Variants in RBFOX3 observed in about 807,000 individuals in gnomAD.
The protein encoded by RBFOX3 is RNA binding fox-1 homolog 3.
RBFOX3 carries 17 observed loss-of-function variants against 48.7 expected under a neutral mutation model. That is an observed-to-expected ratio of 0.35 (90% CI 0.24 to 0.52). The LOEUF (loss-of-function observed/expected upper bound fraction) is 0.52. Ranked by LOEUF, RBFOX3 falls within the 20% of genes least tolerant of loss-of-function variation. The probability of loss-of-function intolerance (pLI) is 0.94; values close to 1 mark genes in which losing one functional copy is unlikely to be tolerated. For synonymous variants in RBFOX3, 212 were observed against 209.5 expected (o/e 1.01, Z -0.10); for missense variants, 382 against 497.5 (o/e 0.77, Z 2.21).
At chr17:79,273,250 C>T (rs894605243) in intron 3 of RBFOX3, among the ~76,000 whole-genome samples, 3 of 152,182 alleles carry the variant, frequency 2.0e-5, no homozygotes, top group East Asian at 1.9e-4. Flanking sequence ...CCAGGAGTGA[C>T]GTCCACCACC....
intron 2 of RBFOX3, among the ~76,000 whole-genome samples, chr17:79,369,337 G>A (rs2377408): frequency 0.68 from 103,148 of 151,734 alleles, 36,019 homozygotes; most frequent in Admixed American, 0.78. Context: ...CCCCGGGGAG[G>A]GGCTGATGGG....
At chr17:79,322,910 A>G (rs8065431) in intron 2 of RBFOX3, among the ~76,000 whole-genome samples, 78,574 of 152,074 alleles carry the variant, frequency 0.52, 20,486 homozygotes, top group Non-Finnish European at 0.55. Flanking sequence ...ATTGCAAAGC[A>G]CCCAGACAAG....
rs61045177 is a variant in RBFOX3, at chr17:79,106,567, C to T, written c.360+84G>A. On this transcript the variant is annotated intron_variant, in intron 6 of 14. Coordinates refer to ENST00000693108, the MANE Select transcript of RBFOX3 (RefSeq NM_001350451.2). ...GCAGGAAACCCGGGGGAACAGGTGT[C>T]GGCAGGAAGGCAGGGCCTGTGGGCG... 9.0e-5 allele frequency: 124 copies of T among 1,378,200 alleles called. 1 individual carries two copies. The South Asian group carries it at 1.2e-3, about 13-fold the overall frequency. 85.4% of individuals were successfully genotyped at this position (1,378,200 alleles called of 1,614,324 possible). A position where few individuals can be genotyped will look rare whatever the true frequency, so the allele number is the denominator to read the frequency against.
At chr17:79,484,336 T>C (rs1598892976) in intron 1 of RBFOX3, among the ~76,000 whole-genome samples, 1 of 152,204 alleles carries the variant, frequency 6.6e-6, no homozygotes. Context: ...ACATCTGCCC[T>C]TTCAGGGACC....
intron 1 of RBFOX3, chr17:79,515,838 A>G (rs1190313654): frequency 6.6e-6 from 1 of 152,352 alleles, no homozygotes; most frequent in African/African-American, 2.4e-5. Context: ...CCCACACGCT[A>G]CTAGCACATC....
chr17:79,463,420 TGCCACTGCCACCGCCATC>T (rs1425747733), intron 2 of RBFOX3, among the ~76,000 whole-genome samples: 1 of 96,736 alleles, frequency 1.0e-5, no homozygotes, highest in Non-Finnish European at 2.1e-5. Context: ...CCACTGCCAT[TGCCACTGCCACCGCCATC>T]GCCACTGCCA....
At chr17:79,182,528 C>A (rs534190212) in intron 4 of RBFOX3, among the ~76,000 whole-genome samples, 146 of 152,176 alleles carry the variant, frequency 9.6e-4, no homozygotes, top group African/African-American at 3.4e-3. Context: ...GGACCCCCGT[C>A]CCCTCCCCCA....
chr17:79,629,079 C>A, the RBFOX3 span, among the ~76,000 whole-genome samples: 1 of 152,200 alleles, frequency 6.6e-6, no homozygotes, highest in Non-Finnish European at 1.5e-5. Context: ...CAGAGGGGCC[C>A]ACAGGCACGA....
intron 3 of RBFOX3, among the ~76,000 whole-genome samples, chr17:79,293,580 G>A (rs555477898): frequency 6.6e-6 from 1 of 152,038 alleles, no homozygotes; most frequent in African/African-American, 2.4e-5. Flanking sequence ...AGCCTCCTGA[G>A]TAGCTGGGAT....
chr17:79,651,813 C>T, the RBFOX3 span, among the ~76,000 whole-genome samples: 4 of 139,734 alleles, frequency 2.9e-5, no homozygotes, highest in African/African-American at 1.1e-4. Context: ...CTGTCTTTCT[C>T]TCTGTCTTCT....
rs541152008 is a variant in RBFOX3, at chr17:79,249,478, C to T, written c.-73-13673G>A. On this transcript the variant is annotated intron_variant, in intron 3 of 14. Coordinates refer to ENST00000693108, the MANE Select transcript of RBFOX3 (RefSeq NM_001350451.2). This position sits in a 1 kb window ranked among gnomAD's most constrained non-coding sequence, Gnocchi z 4.1. The stretch of plus-strand genomic sequence containing the variant: ...GCAGATTCCGAGAGGCAGCAAACAA[C>T]GGGCTTGGGGTGTGCTTTTTCACCT... Among the ~76,000 whole-genome samples the T allele has an allele frequency of 1.2e-4, 18 of 152,178 alleles. No homozygotes were observed. Among genetic ancestry groups the T allele is most frequent in the African/African-American group, 2.9e-4 (12 of 41,516 alleles).
chr17:79,276,218 G>A (rs2068783229), intron 3 of RBFOX3, among the ~76,000 whole-genome samples: 1 of 152,204 alleles, frequency 6.6e-6, no homozygotes, highest in South Asian at 2.1e-4. Flanking sequence ...GCTGGCCGAG[G>A]CAGAAATGAG....
intron 1 of RBFOX3, among the ~76,000 whole-genome samples, chr17:79,577,909 G>A (rs1441317803): frequency 1.3e-5 from 2 of 152,348 alleles, no homozygotes; most frequent in African/African-American, 4.8e-5. Flanking sequence ...GGGTGGCTCT[G>A]AACCACTGTC....
At chr17:79,313,584 G>A (rs2077137888) in intron 2 of RBFOX3, among the ~76,000 whole-genome samples, 1 of 152,146 alleles carries the variant, frequency 6.6e-6, no homozygotes, top group Non-Finnish European at 1.5e-5. Flanking sequence ...ACACTCAGGG[G>A]AGCAAGGGAG....
chr17:79,589,701 G>A (rs964320873), intron 1 of RBFOX3, among the ~76,000 whole-genome samples: 5 of 152,102 alleles, frequency 3.3e-5, no homozygotes, highest in Non-Finnish European at 5.9e-5. Context: ...CCTGGAGAAC[G>A]GCAGTGAAGA....
intron 4 of RBFOX3, among the ~76,000 whole-genome samples, chr17:79,197,986 C>T (rs368634918): frequency 4.6e-5 from 7 of 152,252 alleles, no homozygotes; most frequent in African/African-American, 1.2e-4. Context: ...TCTGTGACTG[C>T]GGCGCGTGCT....
At chr17:79,375,532 C>A (rs950531943) in intron 2 of RBFOX3, among the ~76,000 whole-genome samples, 1 of 152,132 alleles carries the variant, frequency 6.6e-6, no homozygotes. Flanking sequence ...GGGGAGGGAG[C>A]AGCGTTCTGG....
intron 1 of RBFOX3, among the ~76,000 whole-genome samples, chr17:79,577,273 A>C (rs2092895047): frequency 6.6e-6 from 1 of 152,206 alleles, no homozygotes; most frequent in African/African-American, 2.4e-5. Flanking sequence ...TGAGTAAGAC[A>C]TTGGAGAACC....
intron 1 of RBFOX3, among the ~76,000 whole-genome samples, chr17:79,577,914 ACT>A (rs2092917615): frequency 6.6e-6 from 1 of 152,240 alleles, no homozygotes; most frequent in African/African-American, 2.4e-5. Context: ...GCTCTGAACC[ACT>A]GTCACAGAAG....
Sources: allele counts gnomAD v4.1 joint callset (sites outside exome capture counted in the v4.1 genomes callset), GRCh38; gene constraint gnomAD v4.1.1; non-coding constraint Gnocchi (gnomAD v3.1); transcripts MANE v1.5; gene names NCBI Gene and HGNC (gene_info 2026-07-23, HGNC 2026-07-21).